Variants in SLC30A9 observed in about 807,000 individuals in gnomAD.
SLC30A9 encodes the protein solute carrier family 30 member 9.
SLC30A9 carries 58 observed loss-of-function variants against 87.5 expected under a neutral mutation model. The observed-to-expected ratio is 0.66, with a 90% confidence interval of 0.54 to 0.82. SLC30A9 has a LOEUF of 0.82. Among genes scored for constraint, SLC30A9 ranks in the 40% least tolerant of loss-of-function variants. The probability of loss-of-function intolerance (pLI) is 0.00; values close to 1 mark genes in which losing one functional copy is unlikely to be tolerated. For synonymous variants in SLC30A9, 234 were observed against 233.0 expected (o/e 1.00, Z -0.04); for missense variants, 557 against 679.1 (o/e 0.82, Z 2.00).
chr4:42,028,250 T>C (rs1716272642), intron 6 of SLC30A9, among the ~76,000 whole-genome samples: 1 of 152,180 alleles, frequency 6.6e-6, no homozygotes, highest in Admixed American at 6.5e-5. Context: ...CCCGAGTAGT[T>C]GGGATTACAG....
At chr4:42,009,983 CT>C (rs1350924332) in intron 2 of SLC30A9, among the ~76,000 whole-genome samples, 1 of 152,096 alleles carries the variant, frequency 6.6e-6, no homozygotes, top group East Asian at 1.9e-4. Context: ...GATAAAGATA[CT>C]TTAGAATTTG....
chr4:42,069,297 A>G (rs1718209429), intron 14 of SLC30A9, among the ~76,000 whole-genome samples: 1 of 152,212 alleles, frequency 6.6e-6, no homozygotes, highest in African/African-American at 2.4e-5. Context: ...ATTTTTCTTA[A>G]TTAGCTAATT....
chr4:42,063,840 C>T, intron 11 of SLC30A9, among the ~76,000 whole-genome samples: 1 of 152,160 alleles, frequency 6.6e-6, no homozygotes, highest in South Asian at 2.1e-4. Flanking sequence ...CCTACCCTCT[C>T]AGCTTCTGCA....
At chr4:42,029,206 G>C in intron 6 of SLC30A9, 1 of 405,790 alleles carries the variant, frequency 2.5e-6, no homozygotes, top group East Asian at 6.3e-5. Flanking sequence ...ACCCGCTGTT[G>C]CCATGACCTG....
intron 9 of SLC30A9, among the ~76,000 whole-genome samples, chr4:42,058,100 C>CAAAAA (rs35993518): frequency 9.1e-6 from 1 of 109,782 alleles, no homozygotes; most frequent in African/African-American, 3.7e-5. Context: ...GACTTTGTCT[C>CAAAAA]AAAAAAAAAA....
intron 6 of SLC30A9, among the ~76,000 whole-genome samples, chr4:42,024,583 C>T (rs1441661757): frequency 6.6e-6 from 1 of 152,060 alleles, no homozygotes. Flanking sequence ...GTTAATAATA[C>T]AATTTTAGGA....
At chr4:42,060,066 C>A in intron 9 of SLC30A9, 125 bp from the exon 10 acceptor site, 1 of 643,164 alleles carries the variant, frequency 1.6e-6, no homozygotes. Flanking sequence ...ATTGCTGGGT[C>A]ATTGGACATG....
chr4:42,012,977 A>G (rs565692651), intron 2 of SLC30A9, among the ~76,000 whole-genome samples: 2 of 152,276 alleles, frequency 1.3e-5, no homozygotes, highest in African/African-American at 4.8e-5. Flanking sequence ...AACCAGGCTC[A>G]GTGGCTGAGG....
chr4:42,041,413 G>GA (rs1172735953), intron 8 of SLC30A9, among the ~76,000 whole-genome samples: 1 of 152,148 alleles, frequency 6.6e-6, no homozygotes, highest in African/African-American at 2.4e-5. Flanking sequence ...AGCCTCCTGA[G>GA]TAGCTGGGAC....
intron 7 of SLC30A9, among the ~76,000 whole-genome samples, chr4:42,036,083 C>T (rs1241860336): frequency 2.0e-5 from 3 of 152,142 alleles, no homozygotes; most frequent in African/African-American, 7.2e-5. Context: ...TATACAAAAT[C>T]AATGGATACT....
At chr4:42,032,918 A>C (rs73810495) in intron 6 of SLC30A9, among the ~76,000 whole-genome samples, 1 of 152,198 alleles carries the variant, frequency 6.6e-6, no homozygotes, top group Non-Finnish European at 1.5e-5. Flanking sequence ...TAAAGTAATT[A>C]CATACTTGAT....
intron 8 of SLC30A9, among the ~76,000 whole-genome samples, chr4:42,039,897 T>C (rs1716849485): frequency 1.2e-5 from 1 of 85,864 alleles, no homozygotes. Flanking sequence ...TAAATATATA[T>C]ATGTAAAATA....
intron 8 of SLC30A9, among the ~76,000 whole-genome samples, chr4:42,045,265 A>G (rs1717099166): frequency 6.6e-6 from 1 of 152,180 alleles, no homozygotes; most frequent in South Asian, 2.1e-4. Flanking sequence ...AAACCAGTGA[A>G]TCCAGGAGCT....
At chr4:42,021,285 A>G (rs1165139558) in intron 4 of SLC30A9, among the ~76,000 whole-genome samples, 2 of 152,202 alleles carry the variant, frequency 1.3e-5, no homozygotes, top group Admixed American at 1.3e-4. Flanking sequence ...ATAATACAAG[A>G]TGTTAGTGAT....
intron 10 of SLC30A9, among the ~76,000 whole-genome samples, chr4:42,062,188 G>A (rs1363993394): frequency 5.5e-5 from 8 of 146,014 alleles, no homozygotes; most frequent in African/African-American, 1.0e-4. Context: ...GCAAAACTCC[G>A]TCTCAAAAAA....
intron 6 of SLC30A9, among the ~76,000 whole-genome samples, chr4:42,031,995 T>C (rs1303480969): frequency 2.0e-5 from 3 of 152,200 alleles, no homozygotes; most frequent in Non-Finnish European, 4.4e-5. Context: ...ATAGAAAGCA[T>C]AGAAGCTTCT....
In SLC30A9 at chr4:42,001,787, G is replaced by A; in HGVS notation, c.274+7G>A. The A allele has an allele frequency of 6.3e-7, 1 of 1,592,066 alleles. No homozygotes were observed. Among genetic ancestry groups the A allele is most frequent in the Non-Finnish European group, 8.6e-7 (1 of 1,169,186 alleles). On this transcript the variant is annotated splice_region_variant and intron_variant, in intron 2 of 17. Coordinates refer to ENST00000264451, the MANE Select transcript of SLC30A9 (RefSeq NM_006345.4). ...GTACCATCATTTGAAACAGGTATGTGTAATTTTTTTAATGTACTTTTTTCT... is the reference window on the plus strand; with the variant it reads ...GTACCATCATTTGAAACAGGTATGTATAATTTTTTTAATGTACTTTTTTCT...
rs770040501 is a variant in SLC30A9 at position 42,020,519 on chromosome 4, A to AT, written c.434+11dup. The AT allele has an allele frequency of 3.9e-5, 59 of 1,527,974 alleles. No homozygotes were observed. The African/African-American group carries it at 6.9e-4, about 18-fold the overall frequency. The allele number at this position is 1,527,974 out of a possible 1,614,324, so 94.7% of individuals were successfully genotyped here. A position where few individuals can be genotyped will look rare whatever the true frequency, so the allele number is the denominator to read the frequency against. On this transcript the variant is annotated splice_donor_region_variant and intron_variant, in intron 4 of 17. Transcript: ENST00000264451. ...ATGAGTTCTGCCTCAAATCCAGGTA[A>AT]TTTTTTTAAAAAATGTAGCCGTGTG...
At chr4:42,060,297 G>T in intron 10 of SLC30A9, 51 bp downstream of exon 10, 1 of 1,343,868 alleles carries the variant, frequency 7.4e-7, no homozygotes. Context: ...ATAAGTCATT[G>T]AAATAACTAA....
Sources: gnomAD v4.1 joint callset for allele counts (sites outside exome capture counted in the v4.1 genomes callset) on GRCh38, gnomAD v4.1.1 for gene constraint, MANE v1.5 for transcripts, NCBI Gene and HGNC (gene_info 2026-07-23, HGNC 2026-07-21) for gene names.